ANKRD10: variants seen among roughly 807,000 people sequenced by gnomAD.
ANKRD10 encodes the protein ankyrin repeat domain-containing protein 10.
In ANKRD10, 14 loss-of-function variants were observed where a neutral mutation model predicts 27.0. The ratio of observed to expected loss-of-function variants is 0.52; its 90% CI spans 0.34 to 0.81. The LOEUF (loss-of-function observed/expected upper bound fraction) is 0.81. Ranked by LOEUF, ANKRD10 falls within the 40% of genes least tolerant of loss-of-function variation. ANKRD10 has a pLI of 0.01. For synonymous variants in ANKRD10, 250 were observed against 224.5 expected (o/e 1.11, Z -1.01); for missense variants, 493 against 544.0 (o/e 0.91, Z 0.93).
At chr13:110,883,637 T>C in intron 5 of ANKRD10, 61 bp downstream of exon 5, 1 of 1,601,278 alleles carries the variant, frequency 6.2e-7, no homozygotes, top group Non-Finnish European at 8.5e-7. Context: ...ACTCTCCTGC[T>C]GTTTGGTGTC....
intron 2 of ANKRD10, among the ~76,000 whole-genome samples, chr13:110,909,533 T>C (rs1594636547): frequency 1.3e-5 from 2 of 152,332 alleles, no homozygotes; most frequent in South Asian, 2.1e-4. Context: ...CCTTAAAACT[T>C]GTCCCATATC....
intron 3 of ANKRD10, among the ~76,000 whole-genome samples, chr13:110,902,387 G>T (rs1423599603): frequency 6.6e-6 from 1 of 151,934 alleles, no homozygotes; most frequent in Non-Finnish European, 1.5e-5. Flanking sequence ...GGTCATAAAT[G>T]GTCAATTATG....
intron 4 of ANKRD10, among the ~76,000 whole-genome samples, chr13:110,885,251 AAG>A (rs199833413): frequency 1.3e-5 from 2 of 152,096 alleles, no homozygotes; most frequent in Non-Finnish European, 2.9e-5. Flanking sequence ...TTTTGAAAAA[AAG>A]AGAGAGAAAA....
intron 4 of ANKRD10, among the ~76,000 whole-genome samples, chr13:110,892,438 G>GAAAA (rs2065105005): frequency 9.0e-5 from 1 of 11,090 alleles, no homozygotes; most frequent in African/African-American, 3.3e-4. Flanking sequence ...AAAAAAAAAT[G>GAAAA]GTGGGAGAAT....
intron 3 of ANKRD10, among the ~76,000 whole-genome samples, chr13:110,900,030 AG>A (rs1271778272): frequency 1.3e-5 from 2 of 152,138 alleles, no homozygotes; most frequent in Non-Finnish European, 2.9e-5. Context: ...TAGGCAACAC[AG>A]GAAGACCCTG....
At chr13:110,901,221 T>C (rs920318173) in intron 3 of ANKRD10, among the ~76,000 whole-genome samples, 13 of 152,260 alleles carry the variant, frequency 8.5e-5, no homozygotes, top group Non-Finnish European at 1.8e-4. Context: ...AACCCTTTGG[T>C]ATCCAAACTC....
At chr13:110,904,508 T>C (rs1487661549) in intron 3 of ANKRD10, among the ~76,000 whole-genome samples, 1 of 152,240 alleles carries the variant, frequency 6.6e-6, no homozygotes, top group African/African-American at 2.4e-5. Context: ...GAGTATTATT[T>C]AGAAAGTCAT....
At chr13:110,901,355 T>C (rs944564586) in intron 3 of ANKRD10, among the ~76,000 whole-genome samples, 10 of 152,328 alleles carry the variant, frequency 6.6e-5, no homozygotes, top group South Asian at 4.1e-4. Flanking sequence ...TTACTGAGAA[T>C]AGTTTTACAC....
intron 4 of ANKRD10, 158 bp downstream of exon 4, chr13:110,892,870 C>T (rs2065119612): frequency 4.2e-6 from 6 of 1,428,858 alleles, no homozygotes; most frequent in Admixed American, 2.9e-5. Context: ...TTCGCAGTGG[C>T]AGTACAGGAG....
rs765147230 is a variant in ANKRD10 at position 110,910,726 on chromosome 13, G to A, written c.255C>T (p.Asn85=). ...VQLVRAGATL[N]VSTTRYAQTP... ...TCTGCGCGTACCGTGTGGTGGAGAC[G>A]TTGAGTGTGGCTCCCGCTCTCACCA... Residue 85 remains asparagine, a synonymous_variant, in exon 2 of 6, where the codon AAC becomes AAT. Coordinates refer to ENST00000267339, the MANE Select transcript of ANKRD10 (RefSeq NM_017664.4). 8.7e-6 allele frequency: 14 copies of A among 1,614,000 alleles called. No individual in the cohort carries two copies. Among genetic ancestry groups the A allele is most frequent in the South Asian group, 3.3e-5 (3 of 91,088 alleles).
At chr13:110,892,416 C>CAAAAAAAA (rs71127979) in intron 4 of ANKRD10, among the ~76,000 whole-genome samples, 635 of 19,522 alleles carry the variant, frequency 0.033, 128 homozygotes, top group African/African-American at 0.093. Context: ...GGTGACAGAG[C>CAAAAAAAA]AAAAAAAAAA....
chr13:110,900,436 G>A (rs192948636), intron 3 of ANKRD10: 3 of 924,034 alleles, frequency 3.2e-6, no homozygotes, highest in Admixed American at 4.7e-5. Context: ...TAGAAAGGTA[G>A]ATATCATAAA....
Position 110,879,879 on chromosome 13 carries a change from T to C in ANKRD10, c.1021A>G (p.Asn341Asp). 1 of 1,614,226 alleles carries C rather than the reference T, an allele frequency of 6.2e-7. No homozygotes were observed. The highest frequency in any genetic ancestry group is 8.5e-7 in the Non-Finnish European group (1 of 1,180,044). The change falls in exon 6 of 6, where the codon AAC (asparagine) becomes GAC (aspartate). Residue 341 changes from asparagine (N) to aspartate (D), a missense_variant. Coordinates refer to ENST00000267339, the MANE Select transcript of ANKRD10 (RefSeq NM_017664.4). Reference protein sequence around the residue: ...TEEPEKTLRANPELCGSLHLN... With the variant: ...TEEPEKTLRADPELCGSLHLN... ...TGCAGAGAACCGCACAACTCAGGGT[T>C]AGCTCTCAGGGTCTTCTCTGGCTCC...
At chr13:110,886,109 T>C (rs1247747936) in intron 4 of ANKRD10, among the ~76,000 whole-genome samples, 1 of 152,240 alleles carries the variant, frequency 6.6e-6, no homozygotes, top group Non-Finnish European at 1.5e-5. Flanking sequence ...CAGGCAGGCC[T>C]GGCCATGCGA....
Position 110,910,684 on chromosome 13 carries a change from T to C in ANKRD10, c.297A>G (p.Ala99=), listed in dbSNP as rs201363046. Residue 99 remains alanine, a synonymous_variant, in exon 2 of 6, where the codon GCA becomes GCG. Coordinates refer to ENST00000267339, the MANE Select transcript of ANKRD10 (RefSeq NM_017664.4). ...TRYAQTPAHI[A]AFGGHPQCLV... is the part of the protein sequence containing the mutation. ...GGCACTGAGGATGTCCCCCAAAGGC[T>C]GCAATGTGGGCTGGCGTCTGCGCGT... 29 of 1,614,154 alleles carry C rather than the reference T, an allele frequency of 1.8e-5. No homozygotes were observed. In the South Asian group the frequency reaches 2.0e-4, roughly 11 times the overall value.
chr13:110,888,117 C>T (rs1441355961), intron 4 of ANKRD10, among the ~76,000 whole-genome samples: 1 of 151,882 alleles, frequency 6.6e-6, no homozygotes, highest in Non-Finnish European at 1.5e-5. Flanking sequence ...CTCCAGGCAG[C>T]AGGAAGCAGC....
chr13:110,895,285 G>A (rs1487185309), intron 3 of ANKRD10: 1 of 152,144 alleles, frequency 6.6e-6, no homozygotes, highest in Admixed American at 6.5e-5. Flanking sequence ...ATGGCACTTA[G>A]AATCATAAAT....
chr13:110,904,880 A>G (rs2065485708), intron 3 of ANKRD10: 1 of 152,226 alleles, frequency 6.6e-6, no homozygotes, highest in African/African-American at 2.4e-5. Flanking sequence ...TAAACTTAAC[A>G]AAACAGAAGC....
At chr13:110,895,022 G>A (rs570416351) in intron 3 of ANKRD10, 1 of 151,762 alleles carries the variant, frequency 6.6e-6, no homozygotes, top group South Asian at 2.1e-4. Context: ...GACCTGGGAG[G>A]GTCTATTCTG....
Sources: allele counts gnomAD v4.1 joint callset (sites outside exome capture counted in the v4.1 genomes callset), GRCh38; gene constraint gnomAD v4.1.1; transcripts MANE v1.5; gene names NCBI Gene and HGNC (gene_info 2026-07-23, HGNC 2026-07-21).